Variants in HACD4 observed in about 807,000 individuals in gnomAD.
HACD4 encodes 3-hydroxyacyl-CoA dehydratase 4.
In HACD4, 35 loss-of-function variants were observed where a neutral mutation model predicts 33.3. The ratio of observed to expected loss-of-function variants is 1.05; its 90% CI spans 0.80 to 1.39. The LOEUF is 1.39. HACD4 is among the 40% of genes most tolerant of loss of function. The pLI is 0.00. For synonymous variants in HACD4, 118 were observed against 98.0 expected (o/e 1.20, Z -1.21); for missense variants, 323 against 276.5 (o/e 1.17, Z -1.19).
intron 3 of HACD4, among the ~76,000 whole-genome samples, chr9:21,022,675 C>T (rs1171766158): frequency 6.7e-6 from 1 of 149,948 alleles, no homozygotes; most frequent in Non-Finnish European, 1.5e-5. Flanking sequence ...GAGATACCAT[C>T]TCACACCAGT....
chr9:21,031,592 G>GGCC lies in HACD4; in HGVS notation c.-5_-3dup, dbSNP rs757100470. 4.2e-6 allele frequency: 6 copies of GGCC among 1,433,598 alleles called. No homozygotes were observed. The highest frequency in any genetic ancestry group is 1.5e-5 in the African/African-American group (1 of 67,080). 88.8% of individuals were successfully genotyped at this position (1,433,598 alleles called of 1,614,324 possible). A position where few individuals can be genotyped will look rare whatever the true frequency, so the allele number is the denominator to read the frequency against. Reference sequence around the variant, plus strand: ...GGCGGGCAGCGCCAAGGGCCCCATGGGCCGCCGCCGCCAGGGCTTCCAGCG... The same window carrying GGCC: ...GGCGGGCAGCGCCAAGGGCCCCATGGGCCGCCGCCGCCGCCAGGGCTTCCAGCG... On this transcript the variant is annotated 5_prime_UTR_variant, in exon 1 of 7. Coordinates refer to ENST00000495827, the MANE Select transcript of HACD4 (RefSeq NM_001010915.5).
At chr9:21,007,604 C>T (rs1842301002) in intron 6 of HACD4, among the ~76,000 whole-genome samples, 1 of 152,124 alleles carries the variant, frequency 6.6e-6, no homozygotes, top group Admixed American at 6.6e-5. Flanking sequence ...GTCTGTAACA[C>T]CGACTCCCAT....
chr9:21,031,401 T>C (rs1818214755), intron 1 of HACD4, 152 bp downstream of exon 1: 2 of 1,269,432 alleles, frequency 1.6e-6, no homozygotes, highest in Non-Finnish European at 2.0e-6. Flanking sequence ...AGCAAATACC[T>C]GCATGAGCTC....
chr9:21,024,343 A>G (rs1818010657), intron 3 of HACD4, among the ~76,000 whole-genome samples: 1 of 152,252 alleles, frequency 6.6e-6, no homozygotes, highest in African/African-American at 2.4e-5. Flanking sequence ...GTGATCTCTG[A>G]CTTATCTCTC....
At chr9:21,026,045 C>T (rs1587839900) in intron 3 of HACD4, among the ~76,000 whole-genome samples, 2 of 152,286 alleles carry the variant, frequency 1.3e-5, no homozygotes, top group East Asian at 3.9e-4. Context: ...CAAATGATCT[C>T]CTCTTTCCAT....
chr9:21,006,876 T>C lies in HACD4; in HGVS notation c.*161A>G, dbSNP rs770425815. On this transcript the variant is annotated 3_prime_UTR_variant, in exon 7 of 7. Transcript: ENST00000495827. The surrounding 1 kb of genome is among the most constrained non-coding windows in gnomAD (Gnocchi z 4.6). ...TTAAAAATACAATGTGTGAAAAACA[T>C]AGCCTGTTATGTCTAGAGTTTTGGG... The C allele has an allele frequency of 1.6e-6, 1 of 639,396 alleles. No homozygotes were observed. Among genetic ancestry groups the C allele is most frequent in the South Asian group, 1.7e-5 (1 of 59,658 alleles). The allele number at this position is 639,396 out of a possible 1,614,324, so 39.6% of individuals were successfully genotyped here.
Position 21,015,371 on chromosome 9 carries a change from T to C in HACD4, c.383+527A>G, listed in dbSNP as rs377663930. On this transcript the variant is annotated intron_variant, in intron 4 of 6. Transcript: ENST00000495827. ...GGGGACTGTTTGACACCACCACTTG[T>C]AGAGGTAAGACTAGGCACATCTCAC... 42 of 152,464 alleles carry C rather than the reference T, an allele frequency of 2.8e-4. 1 individual carries two copies. The highest frequency in any genetic ancestry group is 8.9e-4 in the African/African-American group (37 of 41,564). The allele number at this position is 152,464 out of a possible 1,614,324, so 9.4% of individuals were successfully genotyped here.
chr9:21,016,124 TA>T (rs1460976648), intron 3 of HACD4, 114 bp from the exon 4 acceptor site: 2 of 630,724 alleles, frequency 3.2e-6, no homozygotes, highest in Non-Finnish European at 2.8e-6. Flanking sequence ...TGGAAATATG[TA>T]TACTAAACTG....
intron 1 of HACD4, among the ~76,000 whole-genome samples, chr9:21,030,557 T>C (rs1156621564): frequency 6.6e-6 from 1 of 152,204 alleles, no homozygotes; most frequent in Non-Finnish European, 1.5e-5. Context: ...AGTGCAGAAC[T>C]TGAGACACAG....
chr9:21,015,624 AGCTGAGGGT>A, intron 4 of HACD4: 1 of 271,580 alleles, frequency 3.7e-6, no homozygotes. Flanking sequence ...GTTAGGAAAC[AGCTGAGGGT>A]TATTCCAAGT....
In HACD4 at chr9:21,001,380, T is replaced by C. The variant is rs1012824141; in HGVS notation, c.*5657A>G. The stretch of plus-strand genomic sequence containing the variant: ...ATGAAAATAGGACAATGGAAATTAT[T>C]AGTCTGAGCAATAGAAAAAAATTGG... On this transcript the variant is annotated 3_prime_UTR_variant, in exon 7 of 7. Transcript: ENST00000495827. 2.6e-5 allele frequency: 4 copies of C among 151,898 alleles called. No individual in the cohort carries two copies. The highest frequency in any genetic ancestry group is 6.6e-5 in the Admixed American group (1 of 15,222). The allele number at this position is 151,898 out of a possible 1,614,324, so 9.4% of individuals were successfully genotyped here. A position where few individuals can be genotyped will look rare whatever the true frequency, so the allele number is the denominator to read the frequency against.
At chr9:21,018,279 G>A (rs550211988) in intron 3 of HACD4, among the ~76,000 whole-genome samples, 2 of 152,198 alleles carry the variant, frequency 1.3e-5, no homozygotes, top group South Asian at 4.1e-4. Context: ...CTAAGAAGTA[G>A]GTGCTATTAT....
rs1381592701 is a variant in HACD4, at chr9:21,003,541, T to C, written c.*3496A>G. 6.6e-6 allele frequency: 1 copy of C among 152,154 alleles called. No individual in the cohort carries two copies. The highest frequency in any genetic ancestry group is 1.5e-5 in the Non-Finnish European group (1 of 68,004). The allele number at this position is 152,154 out of a possible 1,614,324, so 9.4% of individuals were successfully genotyped here. A position where few individuals can be genotyped will look rare whatever the true frequency, so the allele number is the denominator to read the frequency against. On this transcript the variant is annotated 3_prime_UTR_variant, in exon 7 of 7. Transcript: ENST00000495827. The stretch of plus-strand genomic sequence containing the variant: ...AAAGGATAATTTTTTAAAATCCAAA[T>C]ATATTTATAAAGATTTCAAGTAGCC...
chr9:21,031,186 A>G (rs1818206885), intron 1 of HACD4, among the ~76,000 whole-genome samples: 1 of 152,062 alleles, frequency 6.6e-6, no homozygotes, highest in Admixed American at 6.5e-5. Context: ...TATACGTGTG[A>G]TAGGTGTTTC....
intron 1 of HACD4, among the ~76,000 whole-genome samples, chr9:21,030,356 C>G (rs1014219177): frequency 2.6e-5 from 4 of 151,368 alleles, no homozygotes; most frequent in African/African-American, 9.7e-5. Flanking sequence ...GCAGGACAAT[C>G]ACTTGAACCT....
chr9:21,017,880 C>T (rs1034719893), intron 3 of HACD4: 2 of 152,144 alleles, frequency 1.3e-5, no homozygotes, highest in African/African-American at 4.8e-5. Flanking sequence ...CAGGTCATCC[C>T]TTAATTGAAG....
In HACD4 at chr9:21,002,008, A is replaced by C. The variant is rs973061530; in HGVS notation, c.*5029T>G. On this transcript the variant is annotated 3_prime_UTR_variant, in exon 7 of 7. Transcript: ENST00000495827. ...TTTTGTAACAATGGTTTGTAACTCC[A>C]CTTTTTGTTTTCTACATAGAGACTA... 2 of 152,152 alleles carry C rather than the reference A, an allele frequency of 1.3e-5. No individual in the cohort carries two copies. Among genetic ancestry groups the C allele is most frequent in the African/African-American group, 4.8e-5 (2 of 41,456 alleles). The allele number at this position is 152,152 out of a possible 1,614,324, so 9.4% of individuals were successfully genotyped here.
intron 6 of HACD4, among the ~76,000 whole-genome samples, 175 bp from the exon 7 acceptor site, chr9:21,007,294 A>G (rs912028438): frequency 1.3e-5 from 2 of 152,188 alleles, no homozygotes; most frequent in Non-Finnish European, 2.9e-5. Flanking sequence ...AAAGAGAGGT[A>G]AATCAAACTC....
intron 4 of HACD4, 124 bp from the exon 5 acceptor site, chr9:21,011,819 C>A: frequency 1.7e-6 from 1 of 579,060 alleles, no homozygotes; most frequent in Non-Finnish European, 3.0e-6. Flanking sequence ...ATTTTATTTC[C>A]TATAATTTAA....
Sources: allele counts gnomAD v4.1 joint callset (sites outside exome capture counted in the v4.1 genomes callset), GRCh38; gene constraint gnomAD v4.1.1; non-coding constraint Gnocchi (gnomAD v3.1); transcripts MANE v1.5; gene names NCBI Gene and HGNC (gene_info 2026-07-23, HGNC 2026-07-21).